Variants in BRME1 observed in about 807,000 individuals in gnomAD.
BRME1 encodes break repair meiotic recombinase recruitment factor 1.
A neutral mutation model predicts 52.6 loss-of-function variants in BRME1; 31 were observed. The ratio of observed to expected loss-of-function variants is 0.59; its 90% confidence interval spans 0.44 to 0.80. The LOEUF (loss-of-function observed/expected upper bound fraction) is 0.80. BRME1 is among the 30% of genes least tolerant of loss of function. The probability of loss-of-function intolerance (pLI) is 0.00; values close to 1 mark genes in which losing one functional copy is unlikely to be tolerated. For synonymous variants in BRME1, 359 were observed against 353.6 expected (o/e 1.02, Z -0.17); for missense variants, 804 against 860.3 (o/e 0.93, Z 0.82).
At chr19:13,885,631 C>A (rs1968956955) in intron 7 of BRME1, among the ~76,000 whole-genome samples, 1 of 152,180 alleles carries the variant, frequency 6.6e-6, no homozygotes, top group South Asian at 2.1e-4. Flanking sequence ...GGGTCCCCTC[C>A]CCTTCCCAGG....
At chr19:13,893,254 T>G in intron 3 of BRME1, 31 bp from the exon 4 acceptor site, 2 of 1,514,424 alleles carry the variant, frequency 1.3e-6, no homozygotes, top group Non-Finnish European at 1.8e-6. Context: ...CTGAAGGAGA[T>G]CTGCCCGGGT....
Position 13,886,050 on chromosome 19 carries a change from A to G in BRME1, c.1674T>C (p.Phe558=). ...AAGGGCCCGGCTTGTTCCCCGAAGG[A>G]AAGAGCTGGAAAGAGAGCACAAGGT... ...SDFEAPPEQL[F]PSGNKPGPCW... The change falls in exon 7 of 9, where the codon TTT becomes TTC. Residue 558 remains phenylalanine (F), a synonymous_variant. Transcript: ENST00000586783. 1.2e-6 allele frequency: 2 copies of G among 1,613,792 alleles called. No individual in the cohort carries two copies. Among genetic ancestry groups the G allele is most frequent in the Non-Finnish European group, 1.7e-6 (2 of 1,179,888 alleles).
At chr19:13,887,980 A>G (rs1969162463) in intron 6 of BRME1, among the ~76,000 whole-genome samples, 1 of 152,036 alleles carries the variant, frequency 6.6e-6, no homozygotes, top group Non-Finnish European at 1.5e-5. Flanking sequence ...GCTGGAGTGC[A>G]GTGGCGCGAT....
intron 2 of BRME1, among the ~76,000 whole-genome samples, chr19:13,902,533 G>A (rs978664851): frequency 6.6e-6 from 1 of 151,978 alleles, no homozygotes; most frequent in African/African-American, 2.4e-5. Flanking sequence ...TTACTTGGGA[G>A]GCTGAGGCAG....
intron 2 of BRME1, 55 bp from the exon 3 acceptor site, chr19:13,895,601 G>A (rs1335391980): frequency 2.0e-6 from 3 of 1,501,024 alleles, no homozygotes. Flanking sequence ...ACTGCTCATG[G>A]CTGACAACTC....
intron 2 of BRME1, among the ~76,000 whole-genome samples, chr19:13,897,596 A>G (rs1349608592): frequency 6.6e-6 from 1 of 152,118 alleles, no homozygotes; most frequent in African/African-American, 2.4e-5. Flanking sequence ...CAGCAAGGAA[A>G]GATGCCAGCC....
Position 13,882,488 on chromosome 19 carries a change from C to A in BRME1, c.*314G>T. 4.3e-6 allele frequency: 2 copies of A among 465,132 alleles called. No individual in the cohort carries two copies. Among genetic ancestry groups the A allele is most frequent in the Non-Finnish European group, 7.5e-6 (2 of 265,504 alleles). The allele number at this position is 465,132 out of a possible 1,614,324, so 28.8% of individuals were successfully genotyped here. A position where few individuals can be genotyped will look rare whatever the true frequency, so the allele number is the denominator to read the frequency against. ...GAACCATCCATACTTGGCTCAGGAC[C>A]CTAAAATTTGCAAATCCGGACAGGA... On this transcript the variant is annotated 3_prime_UTR_variant, in exon 9 of 9. Transcript: ENST00000586783.
chr19:13,883,047 G>A lies in BRME1; in HGVS notation c.1857-95C>T, dbSNP rs115265234. The A allele has an allele frequency of 7.9e-4, 1,151 of 1,460,820 alleles. 7 individuals are homozygous for A. In the African/African-American group the frequency reaches 0.014, roughly 18 times the overall value. 90.5% of individuals were successfully genotyped at this position (1,460,820 alleles called of 1,614,324 possible). A position where few individuals can be genotyped will look rare whatever the true frequency, so the allele number is the denominator to read the frequency against. The stretch of plus-strand genomic sequence containing the variant: ...CAGCCACATGGTCACCAATGACTCA[G>A]GTGCACACACACGGCTCACACACGT... On this transcript the variant is annotated intron_variant, in intron 8 of 8. Transcript: ENST00000586783. This position sits in a 1 kb window ranked among gnomAD's most constrained non-coding sequence, Gnocchi z 4.2.
chr19:13,890,259 C>T lies in BRME1; in HGVS notation c.597G>A (p.Thr199=), dbSNP rs201941868. The T allele has an allele frequency of 4.0e-5, 64 of 1,613,860 alleles. No homozygotes were observed. The highest frequency in any genetic ancestry group is 1.7e-4 in the Middle Eastern group (1 of 6,060). Reference sequence around the variant, plus strand: ...TGGCCCTCTGTGAGGCGGACAACCCCGTCCCCCTGTCTGGAGGGTCATCAG... The same window carrying T: ...TGGCCCTCTGTGAGGCGGACAACCCTGTCCCCCTGTCTGGAGGGTCATCAG... The part of the protein sequence containing the change: ...SQPDDPPDRG[T]GLSASQRASQ... Residue 199 remains threonine, a synonymous_variant, in exon 6 of 9, where the codon ACG becomes ACA. Transcript: ENST00000586783.
chr19:13,891,910 TA>T (rs1568381701), intron 5 of BRME1, among the ~76,000 whole-genome samples: 1 of 151,390 alleles, frequency 6.6e-6, no homozygotes, highest in Non-Finnish European at 1.5e-5. Flanking sequence ...CCTATTCTAA[TA>T]AAAATACAAA....
chr19:13,893,907 A>G (rs1309164845), intron 3 of BRME1, among the ~76,000 whole-genome samples: 4 of 133,772 alleles, frequency 3.0e-5, no homozygotes, highest in Admixed American at 2.1e-4. Flanking sequence ...ACAGAGCAAG[A>G]CCCTATCTCA....
rs1165333534 is a variant in BRME1 at position 13,889,478 on chromosome 19, C to A, written c.1378G>T (p.Glu460Ter). ...CGTTCGAGGTTCTGGCCACCTAACT[C>A]GGCTTCCTCTTGAGCAGGACCTGGC... ...QEPGPAQEEAELGGQNLERDL... is the reference protein window; with the variant it reads ...QEPGPAQEEA The change falls in exon 6 of 9, where the codon GAG becomes TAG. Residue 460 changes from glutamate to a stop codon, truncating the protein, a stop_gained. Coordinates refer to ENST00000586783, the MANE Select transcript of BRME1 (RefSeq NM_001345843.2). LOFTEE classifies it high-confidence loss of function. 1 of 1,613,912 alleles carries A rather than the reference C, an allele frequency of 6.2e-7. No individual in the cohort carries two copies. The highest frequency in any genetic ancestry group is 8.5e-7 in the Non-Finnish European group (1 of 1,180,018).
Position 13,892,878 on chromosome 19 carries a change from TCCCGA to T in BRME1, c.296_300del (p.Phe99Ter), listed in dbSNP as rs1969607703. Reference sequence around the variant, plus strand: ...GATTTTGCAAACTGGGGAACAAACCTCCCGAATGAGTTCTGTAAACCGGATACAAG... The same window carrying T: ...GATTTTGCAAACTGGGGAACAAACCTATGAGTTCTGTAAACCGGATACAAG... On this transcript the variant is annotated frameshift_variant, in exon 5 of 9. Coordinates refer to ENST00000586783, the MANE Select transcript of BRME1 (RefSeq NM_001345843.2). LOFTEE classifies it high-confidence loss of function. 6.2e-7 allele frequency: 1 copy of T among 1,613,058 alleles called. No homozygotes were observed. Among genetic ancestry groups the T allele is most frequent in the African/African-American group, 1.3e-5 (1 of 74,910 alleles).
chr19:13,903,611 TG>T (rs754045101), intron 2 of BRME1, among the ~76,000 whole-genome samples: 50,418 of 149,756 alleles, frequency 0.34, 11,484 homozygotes, highest in African/African-American at 0.66. Context: ...AGGTGGAGGC[TG>T]CAGTGAGCCA....
In BRME1 at chr19:13,889,639, T is replaced by C; in HGVS notation, c.1217A>G (p.Lys406Arg). Residue 406 changes from lysine to arginine, a missense_variant, in exon 6 of 9, where the codon AAG (lysine) becomes AGG (arginine). Transcript: ENST00000586783. Reference sequence around the variant, plus strand: ...GCCCACTAGGACATCGCCGGGGGGCTTGCCATCCTGCCCTGCCTCCCCACT... The same window carrying C: ...GCCCACTAGGACATCGCCGGGGGGCCTGCCATCCTGCCCTGCCTCCCCACT... Reference protein sequence around the residue: ...GESGEAGQDGKPPGDVLVGPT... With the variant: ...GESGEAGQDGRPPGDVLVGPT... The C allele has an allele frequency of 6.2e-7, 1 of 1,607,898 alleles. No homozygotes were observed. The highest frequency in any genetic ancestry group is 8.5e-7 in the Non-Finnish European group (1 of 1,176,618).
Position 13,882,353 on chromosome 19 carries a change from G to A in BRME1, c.*449C>T, listed in dbSNP as rs779584182. The stretch of plus-strand genomic sequence containing the variant: ...CCTCAGCCCCAAACAGCAGGTCACG[G>A]GGCCTCTACAGAATCATTTATTATG... On this transcript the variant is annotated 3_prime_UTR_variant, in exon 9 of 9. Transcript: ENST00000586783. 88 of 399,670 alleles carry A rather than the reference G, an allele frequency of 2.2e-4. No homozygotes were observed. Among genetic ancestry groups the A allele is most frequent in the Non-Finnish European group, 3.6e-4 (81 of 226,668 alleles). The allele number at this position is 399,670 out of a possible 1,614,324, so 24.8% of individuals were successfully genotyped here. A position where few individuals can be genotyped will look rare whatever the true frequency, so the allele number is the denominator to read the frequency against.
In BRME1 at chr19:13,882,692, G is replaced by A. The variant is rs1049347287; in HGVS notation, c.*110C>T. ...GTTGTCCATGGAAGACCAACTTCCG[G>A]GCAACTGAAGGGAGGTTTGTAGGGT... On this transcript the variant is annotated 3_prime_UTR_variant, in exon 9 of 9. Coordinates refer to ENST00000586783, the MANE Select transcript of BRME1 (RefSeq NM_001345843.2). 1.3e-5 allele frequency: 19 copies of A among 1,438,526 alleles called. No homozygotes were observed. Among genetic ancestry groups the A allele is most frequent in the Admixed American group, 8.7e-5 (4 of 45,866 alleles). 89.1% of individuals were successfully genotyped at this position (1,438,526 alleles called of 1,614,324 possible).
At chr19:13,891,135 T>TTTTTTTTTTTTTTTTTTA (rs59151567) in intron 5 of BRME1, among the ~76,000 whole-genome samples, 2 of 146,634 alleles carry the variant, frequency 1.4e-5, no homozygotes, top group African/African-American at 5.2e-5. Flanking sequence ...CAATTTCCTG[T>TTTTTTTTTTTTTTTTTTA]TTATTATTAT....
At position 13,893,959 on chromosome 19, in the gene BRME1, C is replaced by A. The variant is rs183038886; in HGVS notation, c.207-736G>T. Among the ~76,000 whole-genome samples the A allele has an allele frequency of 2.0e-5, 3 of 151,706 alleles. No homozygotes were observed. In the East Asian group the frequency reaches 5.8e-4, roughly 29 times the overall value. ...TGCTAGATGGAAGGCCCTGGAAAAC[C>A]TGCTTTGAAAGAGTGGGATGGGGAT... On this transcript the variant is annotated intron_variant, in intron 3 of 8. Transcript: ENST00000586783.
Sources: allele counts gnomAD v4.1 joint callset (sites outside exome capture counted in the v4.1 genomes callset), GRCh38; gene constraint gnomAD v4.1.1; non-coding constraint Gnocchi (gnomAD v3.1); transcripts MANE v1.5; gene names NCBI Gene and HGNC (gene_info 2026-07-23, HGNC 2026-07-21).